Variants in AKR1C4 observed in about 807,000 individuals in gnomAD.
AKR1C4 encodes the protein aldo-keto reductase family 1 member C4.
Under a neutral mutation model 41.0 loss-of-function variants are expected in AKR1C4, and 44 were observed. That is an observed-to-expected ratio of 1.07 (90% confidence interval 0.84 to 1.38). The LOEUF (loss-of-function observed/expected upper bound fraction) is 1.38. Among genes scored for constraint, AKR1C4 ranks in the 40% most tolerant of loss-of-function variants. The pLI, the probability that AKR1C4 is intolerant of heterozygous loss-of-function variation, is 0.00. For synonymous variants in AKR1C4, 165 were observed against 137.7 expected (o/e 1.20, Z -1.39); for missense variants, 438 against 387.9 (o/e 1.13, Z -1.09).
chr10:5,201,945 T>TAACAC (rs1554796954), intron 2 of AKR1C4, among the ~76,000 whole-genome samples: 2 of 152,234 alleles, frequency 1.3e-5, no homozygotes, highest in East Asian at 3.8e-4. Context: ...TTCTCTATTC[T>TAACAC]GTTTCATTGA....
Position 5,216,773 on chromosome 10 carries a change from T to C in AKR1C4, c.909T>C (p.Tyr303=), listed in dbSNP as rs1554798556. 15 of 1,611,130 alleles carry C rather than the reference T, an allele frequency of 9.3e-6. No homozygotes were observed. The highest frequency in any genetic ancestry group is 1.3e-5 in the African/African-American group (1 of 75,000). The change falls in exon 8 of 9, where the codon TAT becomes TAC. Residue 303 remains tyrosine (Y), a synonymous_variant. Coordinates refer to ENST00000263126, the MANE Select transcript of AKR1C4 (RefSeq NM_001818.5). ...TTCTAGATGGTCTAAACAGAAATTATCGATATGTTGTCATGGATTTGTAAG... is the reference window on the plus strand; with the variant it reads ...TTCTAGATGGTCTAAACAGAAATTACCGATATGTTGTCATGGATTTGTAAG... ...MKVLDGLNRN[Y]RYVVMDFLMD... is the part of the protein sequence containing the mutation.
chr10:5,200,063 G>A (rs1832373626), intron 1 of AKR1C4, 118 bp from the exon 2 acceptor site: 1 of 1,313,182 alleles, frequency 7.6e-7, no homozygotes, highest in Non-Finnish European at 1.0e-6. Flanking sequence ...AGCAGCGGGG[G>A]CCTGAAGAAG....
Position 5,218,876 on chromosome 10 carries a change from G to A in AKR1C4, c.*116G>A. 1.1e-6 allele frequency: 1 copy of A among 898,682 alleles called. No individual in the cohort carries two copies. Among genetic ancestry groups the A allele is most frequent in the Admixed American group, 2.2e-5 (1 of 44,618 alleles). The allele number at this position is 898,682 out of a possible 1,614,324, so 55.7% of individuals were successfully genotyped here. ...CCTCTGGTTAAATCCCTCCCCTCCTGCTTGGCAACTTCAGCTAGCTAGATA... is the reference window on the plus strand; with the variant it reads ...CCTCTGGTTAAATCCCTCCCCTCCTACTTGGCAACTTCAGCTAGCTAGATA... On this transcript the variant is annotated 3_prime_UTR_variant, in exon 9 of 9. Transcript: ENST00000263126.
Position 5,200,199 on chromosome 10 carries a change from G to A in AKR1C4, c.103G>A (p.Val35Ile), listed in dbSNP as rs782641341. ...APPEVPRNRA[V>I]EVTKLAIEAG... ...CCTTCAGGTTCCGAGGAACAGAGCT[G>A]TAGAGGTCACCAAATTAGCAATAGA... The change falls in exon 2 of 9, where the codon GTA (valine) becomes ATA (isoleucine). Residue 35 changes from valine to isoleucine, a missense_variant. By Grantham distance (29) the Val-to-Ile change is conservative. Coordinates refer to ENST00000263126, the MANE Select transcript of AKR1C4 (RefSeq NM_001818.5). 7.4e-6 allele frequency: 12 copies of A among 1,613,846 alleles called. No individual in the cohort carries two copies. In the East Asian group the frequency reaches 1.6e-4, roughly 21 times the overall value.
At position 5,200,163 on chromosome 10, in the gene AKR1C4, C is replaced by T. The variant is rs782168152; in HGVS notation, c.85-18C>T. 8.1e-6 allele frequency: 13 copies of T among 1,603,806 alleles called. No individual in the cohort carries two copies. The highest frequency in any genetic ancestry group is 5.1e-5 in the Admixed American group (3 of 58,748). On this transcript the variant is annotated intron_variant, in intron 1 of 8. Transcript: ENST00000263126. ...AAGCACATTGATCACCAAATACTAC[C>T]TTTCGTTGCTCCTTCAGGTTCCGAG...
chr10:5,207,574 A>G (rs1224438939), intron 5 of AKR1C4: 1 of 841,236 alleles, frequency 1.2e-6, no homozygotes, highest in African/African-American at 1.7e-5. Flanking sequence ...AGACTTGAAG[A>G]ACTTGTCTCT....
chr10:5,210,197 C>T (rs145034198), intron 5 of AKR1C4, among the ~76,000 whole-genome samples: 138 of 152,338 alleles, frequency 9.1e-4, no homozygotes, highest in African/African-American at 3.2e-3. Flanking sequence ...TCTCCTTTGA[C>T]TCCATGTTTC....
intron 7 of AKR1C4, among the ~76,000 whole-genome samples, chr10:5,213,968 G>A (rs1168263558): frequency 1.3e-5 from 2 of 151,804 alleles, no homozygotes; most frequent in African/African-American, 4.8e-5. Flanking sequence ...TTTTCTCGTG[G>A]TTGCTAATAT....
chr10:5,197,018 G>C (rs1588333869), intron 1 of AKR1C4, 67 bp downstream of exon 1: 2 of 1,503,180 alleles, frequency 1.3e-6, no homozygotes, highest in East Asian at 2.3e-5. Flanking sequence ...ACGATGACCT[G>C]GGTTGTTCAG....
intron 7 of AKR1C4, among the ~76,000 whole-genome samples, chr10:5,213,857 G>A (rs1489239594): frequency 6.6e-6 from 1 of 152,126 alleles, no homozygotes. Flanking sequence ...ATGTATTGTT[G>A]AAATAGCCTC....
chr10:5,204,672 CAAGAG>C lies in AKR1C4; in HGVS notation c.369+184_369+188del, dbSNP rs564969511. 2.8e-4 allele frequency: 211 copies of C among 748,738 alleles called. No homozygotes were observed. In the African/African-American group the frequency reaches 3.0e-3, roughly 11 times the overall value. 46.4% of individuals were successfully genotyped at this position (748,738 alleles called of 1,614,324 possible). A position where few individuals can be genotyped will look rare whatever the true frequency, so the allele number is the denominator to read the frequency against. On this transcript the variant is annotated intron_variant, in intron 3 of 8. Transcript: ENST00000263126. ...ACCTTCCTTCTGTAACGTATGATGA[CAAGAG>C]AAGACAGTACATCAACCTCAAAGCC...
chr10:5,198,400 G>A (rs1312335299), intron 1 of AKR1C4, among the ~76,000 whole-genome samples: 4 of 152,178 alleles, frequency 2.6e-5, no homozygotes, highest in Non-Finnish European at 4.4e-5. Context: ...GATAAGGGTA[G>A]CATCTATAAT....
chr10:5,212,972 G>T (rs1348406595), intron 6 of AKR1C4, 22 bp from the exon 7 acceptor site: 1 of 1,612,286 alleles, frequency 6.2e-7, no homozygotes, highest in Non-Finnish European at 8.5e-7. Flanking sequence ...CAAGACTTCA[G>T]CATTTCTGGC....
chr10:5,199,663 G>A (rs1225266540), intron 1 of AKR1C4, among the ~76,000 whole-genome samples: 2 of 152,078 alleles, frequency 1.3e-5, no homozygotes, highest in African/African-American at 2.4e-5. Context: ...TTTGGCTGGG[G>A]CAGTCAGAAG....
rs782236272 is a variant in AKR1C4 at position 5,204,497 on chromosome 10, G to A, written c.369+4G>A. 1.3e-6 allele frequency: 2 copies of A among 1,591,702 alleles called. No homozygotes were observed. Among genetic ancestry groups the A allele is most frequent in the Non-Finnish European group, 8.6e-7 (1 of 1,159,838 alleles). On this transcript the variant is annotated splice_donor_region_variant and intron_variant, in intron 3 of 8. Coordinates refer to ENST00000263126, the MANE Select transcript of AKR1C4 (RefSeq NM_001818.5). ...TCATTTCCCAATGGCTCTCAAGGTA[G>A]GGAATTTGTGAGATCAACTTCTCTT...
chr10:5,213,685 T>G (rs1267040039), intron 7 of AKR1C4, among the ~76,000 whole-genome samples: 5 of 152,180 alleles, frequency 3.3e-5, no homozygotes, highest in African/African-American at 1.2e-4. Context: ...AAACCATTTA[T>G]TTAACTGACA....
At chr10:5,213,297 G>A in intron 7 of AKR1C4, 138 bp downstream of exon 7, 1 of 1,370,160 alleles carries the variant, frequency 7.3e-7, no homozygotes. Context: ...GTGCATAAGT[G>A]TTTTCTACTC....
intron 7 of AKR1C4, among the ~76,000 whole-genome samples, chr10:5,214,375 T>G (rs56068105): frequency 1.3e-5 from 2 of 151,546 alleles, no homozygotes; most frequent in Non-Finnish European, 2.9e-5. Flanking sequence ...ACTTAGTCTC[T>G]TATATAATAA....
intron 3 of AKR1C4, 58 bp downstream of exon 3, chr10:5,204,551 T>A: frequency 7.7e-7 from 1 of 1,298,820 alleles, no homozygotes; most frequent in Non-Finnish European, 1.1e-6. Context: ...TCCTTTATGA[T>A]GGTTGAATTG....
Sources: allele counts gnomAD v4.1 joint callset (sites outside exome capture counted in the v4.1 genomes callset), GRCh38; gene constraint gnomAD v4.1.1; transcripts MANE v1.5; gene names NCBI Gene and HGNC (gene_info 2026-07-23, HGNC 2026-07-21).